Variants in NARS2 observed in about 807,000 individuals in gnomAD.
NARS2 encodes asparaginyl-tRNA synthetase.
A neutral mutation model predicts 62.9 loss-of-function variants in NARS2; 60 were observed. The observed-to-expected ratio is 0.95, with a 90% CI of 0.77 to 1.18. The LOEUF (loss-of-function observed/expected upper bound fraction) is 1.18. Among genes scored for constraint, NARS2 ranks in the 50% most tolerant of loss-of-function variants. The pLI, the probability that NARS2 is intolerant of heterozygous loss-of-function variation, is 0.00. For synonymous variants in NARS2, 196 were observed against 200.0 expected (o/e 0.98, Z 0.17); for missense variants, 619 against 576.4 (o/e 1.07, Z -0.76).
intron 7 of NARS2, among the ~76,000 whole-genome samples, chr11:78,482,155 T>C (rs1565227459): frequency 6.6e-6 from 1 of 152,178 alleles, no homozygotes; most frequent in Admixed American, 6.6e-5. Flanking sequence ...AACCACTTTA[T>C]TTCTCTAGCT....
chr11:78,500,814 C>T (rs1385151429), intron 6 of NARS2, among the ~76,000 whole-genome samples: 2 of 152,060 alleles, frequency 1.3e-5, no homozygotes, highest in East Asian at 1.9e-4. Context: ...ATGACAAGGC[C>T]GCACACGGTG....
chr11:78,502,846 T>C (rs1225435433), intron 6 of NARS2, among the ~76,000 whole-genome samples: 2 of 151,876 alleles, frequency 1.3e-5, no homozygotes, highest in East Asian at 1.9e-4. Flanking sequence ...ATACAAAAAT[T>C]AGCCAGGCGT....
At chr11:78,548,813 C>A (rs1855977354) in intron 5 of NARS2, among the ~76,000 whole-genome samples, 1 of 152,022 alleles carries the variant, frequency 6.6e-6, no homozygotes, top group Non-Finnish European at 1.5e-5. Context: ...TTTTTTTAAT[C>A]CAACCATTTA....
intron 6 of NARS2, among the ~76,000 whole-genome samples, chr11:78,499,456 G>C (rs10899534): frequency 0.75 from 114,444 of 151,966 alleles, 43,522 homozygotes; most frequent in Non-Finnish European, 0.82. Context: ...TGAAACAGCA[G>C]TGGGATGGGA....
intron 10 of NARS2, 116 bp downstream of exon 10, chr11:78,469,131 C>G: frequency 1.5e-6 from 1 of 686,844 alleles, no homozygotes; most frequent in Non-Finnish European, 2.6e-6. Flanking sequence ...TGAGCAAATG[C>G]CATATTTTGC....
In NARS2 at chr11:78,442,899, T is replaced by C. The variant is rs576808052; in HGVS notation, c.1262+762A>G. On this transcript the variant is annotated intron_variant, in intron 12 of 13. Coordinates refer to ENST00000281038, the MANE Select transcript of NARS2 (RefSeq NM_024678.6). ...AATCTGAGGAAGTGAAATGTGCTTA[T>C]TCTAAATGCTATCTGACTAGTTTTC... 6.6e-5 allele frequency among the ~76,000 whole-genome samples: 10 copies of C among 152,352 alleles called. No homozygotes were observed. The South Asian group carries it at 2.1e-3, about 32-fold the overall frequency.
intron 6 of NARS2, among the ~76,000 whole-genome samples, chr11:78,522,337 C>A (rs1233969276): frequency 2.0e-5 from 3 of 152,004 alleles, no homozygotes; most frequent in Non-Finnish European, 2.9e-5. Context: ...GATAATGATA[C>A]CTATCTAAGT....
intron 12 of NARS2, among the ~76,000 whole-genome samples, 170 bp downstream of exon 12, chr11:78,443,491 C>T (rs1337513750): frequency 6.6e-6 from 1 of 152,002 alleles, no homozygotes; most frequent in Non-Finnish European, 1.5e-5. Context: ...TCCTGAAGAA[C>T]GGGAAGCTCA....
At chr11:78,506,157 C>T (rs1304027503) in intron 6 of NARS2, among the ~76,000 whole-genome samples, 1 of 152,170 alleles carries the variant, frequency 6.6e-6, no homozygotes, top group Non-Finnish European at 1.5e-5. Context: ...ATGACATATC[C>T]TATACTCACT....
At chr11:78,544,641 A>C (rs985878706) in intron 5 of NARS2, among the ~76,000 whole-genome samples, 1 of 152,012 alleles carries the variant, frequency 6.6e-6, no homozygotes, top group Non-Finnish European at 1.5e-5. Flanking sequence ...AAAAATACAA[A>C]AAATTAGCCA....
At chr11:78,451,209 G>T (rs1236834046) in intron 11 of NARS2, among the ~76,000 whole-genome samples, 1 of 152,106 alleles carries the variant, frequency 6.6e-6, no homozygotes, top group Non-Finnish European at 1.5e-5. Flanking sequence ...CTTTCTTCTG[G>T]TATATCAAAA....
intron 11 of NARS2, among the ~76,000 whole-genome samples, chr11:78,463,571 A>T (rs1858478583): frequency 6.6e-6 from 1 of 152,116 alleles, no homozygotes; most frequent in African/African-American, 2.4e-5. Flanking sequence ...CTATAATCCC[A>T]GCTACTTGGG....
chr11:78,524,561 C>T (rs1453674154), intron 6 of NARS2, among the ~76,000 whole-genome samples: 1 of 151,994 alleles, frequency 6.6e-6, no homozygotes, highest in Non-Finnish European at 1.5e-5. Context: ...AAATGGAATA[C>T]TTCATTATGT....
intron 13 of NARS2, among the ~76,000 whole-genome samples, chr11:78,439,370 T>G (rs1857506972): frequency 6.6e-6 from 1 of 152,112 alleles, no homozygotes; most frequent in Admixed American, 6.5e-5. Context: ...GCTAGTGGTT[T>G]AGCTTTTTTT....
intron 7 of NARS2, among the ~76,000 whole-genome samples, chr11:78,492,178 A>G (rs555149405): frequency 2.6e-5 from 4 of 152,158 alleles, no homozygotes; most frequent in South Asian, 4.2e-4. Flanking sequence ...TAGCCTATAA[A>G]GTAGGAATTT....
chr11:78,563,246 T>C (rs1407769276), intron 4 of NARS2, among the ~76,000 whole-genome samples: 2 of 127,388 alleles, frequency 1.6e-5, no homozygotes, highest in Non-Finnish European at 3.2e-5. Context: ...TGAGACAGAG[T>C]CTTACTCTGT....
intron 9 of NARS2, among the ~76,000 whole-genome samples, chr11:78,477,261 G>C (rs570584310): frequency 6.6e-6 from 1 of 152,004 alleles, no homozygotes; most frequent in Non-Finnish European, 1.5e-5. Context: ...TAAAACTCCA[G>C]ACCCACACTT....
intron 11 of NARS2, among the ~76,000 whole-genome samples, chr11:78,455,169 T>A (rs1858113779): frequency 6.6e-6 from 1 of 152,208 alleles, no homozygotes; most frequent in African/African-American, 2.4e-5. Context: ...AATGCCTCTC[T>A]GTTTTTTACT....
chr11:78,467,408 G>C (rs61600568), intron 10 of NARS2, among the ~76,000 whole-genome samples: 1 of 152,060 alleles, frequency 6.6e-6, no homozygotes, highest in Admixed American at 6.5e-5. Context: ...CTGGTGGCAC[G>C]CACCTGTAGT....
Sources: gnomAD v4.1 joint callset for allele counts (sites outside exome capture counted in the v4.1 genomes callset) on GRCh38, gnomAD v4.1.1 for gene constraint, MANE v1.5 for transcripts, NCBI Gene and HGNC (gene_info 2026-07-23, HGNC 2026-07-21) for gene names.